IQSEC1: variants seen among roughly 807,000 people sequenced by gnomAD.
IQSEC1 encodes IQ motif and SEC7 domain-containing protein 1.
A neutral mutation model predicts 91.0 loss-of-function variants in IQSEC1; 31 were observed. That is an observed-to-expected ratio of 0.34 (90% confidence interval 0.26 to 0.46). The LOEUF (loss-of-function observed/expected upper bound fraction) is 0.46, where lower values mean the gene tolerates loss of function less well. Ranked by LOEUF, IQSEC1 falls within the 20% of genes least tolerant of loss-of-function variation. The pLI is 1.00. For synonymous variants in IQSEC1, 699 were observed against 662.6 expected (o/e 1.05, Z -0.84); for missense variants, 1,388 against 1,575.6 (o/e 0.88, Z 2.02).
At chr3:13,118,951 T>C (rs1277395182) in intron 2 of IQSEC1, among the ~76,000 whole-genome samples, 1 of 152,092 alleles carries the variant, frequency 6.6e-6, no homozygotes, top group Non-Finnish European at 1.5e-5. Flanking sequence ...CACTCGCCTG[T>C]AGCCCCAGCT....
At chr3:13,191,528 G>C (rs1404661843) in intron 1 of IQSEC1, among the ~76,000 whole-genome samples, 1 of 103,468 alleles carries the variant, frequency 9.7e-6, no homozygotes, top group East Asian at 2.6e-4. Context: ...GTAGAGACAG[G>C]GTTTTGCCAT....
At chr3:13,124,945 C>T (rs754503762) in intron 2 of IQSEC1, among the ~76,000 whole-genome samples, 4 of 152,190 alleles carry the variant, frequency 2.6e-5, no homozygotes. Flanking sequence ...GGCCTGGCCA[C>T]CGTCATGTTT....
chr3:13,070,157 G>A (rs747701803), intron 1 of IQSEC1, among the ~76,000 whole-genome samples: 2 of 152,250 alleles, frequency 1.3e-5, no homozygotes, highest in Admixed American at 6.5e-5. Flanking sequence ...GCTGTGCCAT[G>A]CACAGGGCCG....
chr3:13,208,803 TCCA>T (rs1694389416), intron 1 of IQSEC1, among the ~76,000 whole-genome samples: 1 of 152,112 alleles, frequency 6.6e-6, no homozygotes, highest in Non-Finnish European at 1.5e-5. Flanking sequence ...CCGCACTCAC[TCCA>T]CCCTGGAGGA....
Position 13,193,915 on chromosome 3 carries a change from G to C in IQSEC1, c.273-29782C>G, listed in dbSNP as rs1490417137. On this transcript the variant is annotated intron_variant, in intron 1 of 15. Transcript: ENST00000648114. The surrounding 1 kb of genome is among the most constrained non-coding windows in gnomAD (Gnocchi z 4.2). The stretch of plus-strand genomic sequence containing the variant: ...GGGGCTTCGGCCACAGACCAAGCTT[G>C]GTTTCCTCACAGCTCTGGAGCCTGG... 6.6e-6 allele frequency among the ~76,000 whole-genome samples: 1 copy of C among 152,206 alleles called. No homozygotes were observed. Among genetic ancestry groups the C allele is most frequent in the Admixed American group, 6.5e-5 (1 of 15,286 alleles).
chr3:13,091,572 C>T (rs1705861916), intron 2 of IQSEC1, among the ~76,000 whole-genome samples: 1 of 152,196 alleles, frequency 6.6e-6, no homozygotes, highest in Admixed American at 6.5e-5. Context: ...GTGACTACTG[C>T]AGGAGCAGGG....
chr3:13,151,633 T>C (rs1314340595), intron 2 of IQSEC1, among the ~76,000 whole-genome samples: 1 of 152,046 alleles, frequency 6.6e-6, no homozygotes, highest in Non-Finnish European at 1.5e-5. Flanking sequence ...CAAGGTCATG[T>C]TGGAGGGAGG....
intron 1 of IQSEC1, among the ~76,000 whole-genome samples, chr3:13,038,632 T>C (rs546034723): frequency 6.6e-4 from 101 of 152,248 alleles, no homozygotes; most frequent in African/African-American, 2.2e-3. Context: ...GATTTGTACG[T>C]CTTAAAAATA....
At chr3:12,944,401 C>T (rs749448616) in intron 1 of IQSEC1, among the ~76,000 whole-genome samples, 52 of 152,354 alleles carry the variant, frequency 3.4e-4, no homozygotes, top group Middle Eastern at 3.4e-3. Flanking sequence ...ACTTCAGGCC[C>T]CAGAGCCTCA....
intron 3 of IQSEC1, among the ~76,000 whole-genome samples, chr3:12,928,973 T>C (rs769180926): frequency 5.3e-5 from 8 of 152,150 alleles, no homozygotes; most frequent in Non-Finnish European, 1.2e-4. Flanking sequence ...GGTGCTATGC[T>C]AGCACAGTTA....
intron 1 of IQSEC1, among the ~76,000 whole-genome samples, chr3:13,176,884 C>T (rs1311477129): frequency 6.6e-6 from 1 of 152,234 alleles, no homozygotes. Context: ...GAATACTGTT[C>T]ACTCATAAAA....
intron 2 of IQSEC1, among the ~76,000 whole-genome samples, chr3:13,135,398 C>A (rs1706690310): frequency 6.6e-6 from 1 of 152,224 alleles, no homozygotes; most frequent in Admixed American, 6.5e-5. Context: ...AAGGCTGGAG[C>A]CAGTGCCTGC....
intron 1 of IQSEC1, among the ~76,000 whole-genome samples, chr3:13,204,946 G>A (rs1354030751): frequency 1.3e-5 from 2 of 151,752 alleles, no homozygotes; most frequent in East Asian, 3.9e-4. Flanking sequence ...GATTACAGGC[G>A]CGCACCACCA....
chr3:12,919,946 C>T (rs1258769995), intron 6 of IQSEC1, among the ~76,000 whole-genome samples: 2 of 152,250 alleles, frequency 1.3e-5, no homozygotes, highest in East Asian at 1.9e-4. Flanking sequence ...GTCTGCACTC[C>T]AGTGCCAGCA....
chr3:13,208,253 C>T (rs1199259874), intron 1 of IQSEC1, among the ~76,000 whole-genome samples: 1 of 151,392 alleles, frequency 6.6e-6, no homozygotes, highest in Non-Finnish European at 1.5e-5. Context: ...TCTCCAAATA[C>T]CTTCCCTAGA....
At chr3:13,017,109 T>C (rs1485047896) in intron 1 of IQSEC1, among the ~76,000 whole-genome samples, 1 of 152,198 alleles carries the variant, frequency 6.6e-6, no homozygotes, top group Non-Finnish European at 1.5e-5. Context: ...GACCACATTG[T>C]GTTTATCTAT....
chr3:13,065,745 A>G (rs1705209118), intron 1 of IQSEC1, among the ~76,000 whole-genome samples: 1 of 152,186 alleles, frequency 6.6e-6, no homozygotes, highest in African/African-American at 2.4e-5. Context: ...TATACACCCA[A>G]CAGAAATGGA....
At chr3:13,056,508 A>T (rs1021717008) in intron 1 of IQSEC1, among the ~76,000 whole-genome samples, 1 of 152,064 alleles carries the variant, frequency 6.6e-6, no homozygotes, top group African/African-American at 2.4e-5. Context: ...TAGGTTTCTT[A>T]TTCCCATTTT....
intron 1 of IQSEC1, among the ~76,000 whole-genome samples, chr3:13,012,980 T>TTTTTTTTTTTTA (rs369486023): frequency 8.0e-5 from 12 of 149,492 alleles, no homozygotes; most frequent in South Asian, 4.3e-4. Context: ...TTTTTTTTTT[T>TTTTTTTTTTTTA]GAGACAGTCT....
Sources: gnomAD v4.1 joint callset for allele counts (sites outside exome capture counted in the v4.1 genomes callset) on GRCh38, gnomAD v4.1.1 for gene constraint, Gnocchi (gnomAD v3.1) non-coding constraint, MANE v1.5 for transcripts, NCBI Gene and HGNC (gene_info 2026-07-23, HGNC 2026-07-21) for gene names.